SLIT2: variants seen among roughly 807,000 people sequenced by gnomAD.
SLIT2 encodes slit homolog 2 protein.
A neutral mutation model predicts 185.7 loss-of-function variants in SLIT2; 41 were observed. The observed-to-expected ratio is 0.22, with a 90% CI of 0.17 to 0.29. SLIT2 has a LOEUF of 0.29. Ranked by LOEUF, SLIT2 falls within the 10% of genes least tolerant of loss-of-function variation. The pLI is 1.00. For missense variants in SLIT2, 1,571 were observed against 1,909.0 expected, an observed-to-expected ratio of 0.82 and a Z score of 3.30; for synonymous variants, 693 against 680.2, an observed-to-expected ratio of 1.02 and a Z score of -0.29.
chr4:20,613,469 C>G (rs1052959809), intron 34 of SLIT2, among the ~76,000 whole-genome samples: 3 of 152,006 alleles, frequency 2.0e-5, no homozygotes, highest in Non-Finnish European at 4.4e-5. Context: ...AACACATGGA[C>G]ACAGAGAGGG....
intron 5 of SLIT2, among the ~76,000 whole-genome samples, chr4:20,472,402 A>C (rs899133848): frequency 3.7e-4 from 28 of 75,082 alleles, no homozygotes; most frequent in South Asian, 8.2e-4. Flanking sequence ...ATATAGATAT[A>C]GATATCTATA....
intron 4 of SLIT2, among the ~76,000 whole-genome samples, chr4:20,342,121 G>A (rs1236297842): frequency 6.6e-6 from 1 of 152,108 alleles, no homozygotes; most frequent in Non-Finnish European, 1.5e-5. Flanking sequence ...TTTTTAGAAA[G>A]TGTACCATTT....
chr4:20,539,447 G>T lies in SLIT2; in HGVS notation c.1839G>T (p.Leu613Phe). 1 of 1,611,376 alleles carries T rather than the reference G, an allele frequency of 6.2e-7. No individual in the cohort carries two copies. The highest frequency in any genetic ancestry group is 8.5e-7 in the Non-Finnish European group (1 of 1,178,988). ...KGLESLKTLM[L>F]RSNRITCVGN... Reference sequence around the variant, plus strand: ...GTCCTTTTTTTCCCCTCAGGATGTTGAGAAGCAATCGAATAACCTGTGTGG... The same window carrying T: ...GTCCTTTTTTTCCCCTCAGGATGTTTAGAAGCAATCGAATAACCTGTGTGG... The change falls in exon 19 of 37, where the codon TTG (leucine) becomes TTT (phenylalanine). Residue 613 changes from leucine to phenylalanine, a missense_variant. Physicochemically the swap from Leu to Phe is conservative, Grantham distance 22. Around this residue, in one of 3 missense-constraint regions of SLIT2, gnomAD observed 1,202 missense variants for 1,416.4 expected, o/e 0.85. Transcript: ENST00000504154.
chr4:20,570,719 ATATATATATATG>A (rs1725507004), intron 29 of SLIT2, among the ~76,000 whole-genome samples: 1 of 56,016 alleles, frequency 1.8e-5, no homozygotes, highest in African/African-American at 7.0e-5. Context: ...AGGAATATAT[ATATATATATATG>A]TATATATATA....
intron 4 of SLIT2, among the ~76,000 whole-genome samples, chr4:20,279,984 A>G (rs1560278843): frequency 6.6e-6 from 1 of 152,098 alleles, no homozygotes; most frequent in Non-Finnish European, 1.5e-5. Flanking sequence ...CTACCAATAG[A>G]TTGAATTTGG....
chr4:20,350,216 T>C (rs1409417017), intron 4 of SLIT2, among the ~76,000 whole-genome samples: 1 of 152,138 alleles, frequency 6.6e-6, no homozygotes, highest in African/African-American at 2.4e-5. Flanking sequence ...GAGCATACTT[T>C]TGATTCTGAA....
At chr4:20,449,811 C>G (rs540557641) in intron 4 of SLIT2, among the ~76,000 whole-genome samples, 4 of 152,202 alleles carry the variant, frequency 2.6e-5, no homozygotes, top group Non-Finnish European at 4.4e-5. Flanking sequence ...TAATTAGAAA[C>G]TTTATGGGGA....
At chr4:20,396,996 A>T (rs1211921242) in intron 4 of SLIT2, among the ~76,000 whole-genome samples, 1 of 151,460 alleles carries the variant, frequency 6.6e-6, no homozygotes, top group Non-Finnish European at 1.5e-5. Flanking sequence ...ATTTACGCAT[A>T]TATTTCCATA....
At chr4:20,515,744 AC>A (rs1720146297) in intron 11 of SLIT2, among the ~76,000 whole-genome samples, 1 of 152,088 alleles carries the variant, frequency 6.6e-6, no homozygotes, top group East Asian at 1.9e-4. Flanking sequence ...TGCCCATAAC[AC>A]CTTTTTCATG....
rs1478785852 is a variant in SLIT2, at chr4:20,617,097, A to G, written c.4035A>G (p.Thr1345=). The G allele has an allele frequency of 6.2e-7, 1 of 1,612,890 alleles. No individual in the cohort carries two copies. ...ACAAGAAGGTGTGTGCCCATGGCAC[A>G]TGCCAGCCCAGCAGCCAGGCAGGCT... ...PCHKKVCAHG[T]CQPSSQAGFT... is the part of the protein sequence containing the mutation. Residue 1345 remains threonine (T), a synonymous_variant, in exon 35 of 37, where the codon ACA becomes ACG. Transcript: ENST00000504154.
intron 7 of SLIT2, 118 bp from the exon 8 acceptor site, chr4:20,488,701 A>G (rs996337681): frequency 5.8e-6 from 4 of 691,638 alleles, no homozygotes; most frequent in Non-Finnish European, 9.0e-6. Flanking sequence ...TTTAGGAAAA[A>G]TAATTATATT....
chr4:20,433,969 A>G (rs75325677), intron 4 of SLIT2, among the ~76,000 whole-genome samples: 17,894 of 152,234 alleles, frequency 0.12, 1,085 homozygotes, highest in African/African-American at 0.15. Flanking sequence ...GTGAAGACTC[A>G]GGACATAAAA....
intron 4 of SLIT2, among the ~76,000 whole-genome samples, chr4:20,316,561 G>C (rs1718608810): frequency 6.6e-6 from 1 of 151,656 alleles, no homozygotes; most frequent in Non-Finnish European, 1.5e-5. Context: ...CATTCTTTAA[G>C]TCCAGAATTC....
intron 29 of SLIT2, among the ~76,000 whole-genome samples, chr4:20,584,874 G>C (rs1726916905): frequency 6.6e-6 from 1 of 152,090 alleles, no homozygotes; most frequent in South Asian, 2.1e-4. Flanking sequence ...GCCCAACATG[G>C]TGAAACCCCG....
rs1297535764 is a variant in SLIT2 at position 20,488,753 on chromosome 4, A to G, written c.612-66A>G. On this transcript the variant is annotated intron_variant, in intron 7 of 36. Coordinates refer to ENST00000504154, the MANE Select transcript of SLIT2 (RefSeq NM_004787.4). The stretch of plus-strand genomic sequence containing the variant: ...TATCTACTTCTATGTTAAGAAATAC[A>G]GGTATATATTAATGAAATAACGACT... 3.6e-6 allele frequency: 4 copies of G among 1,105,934 alleles called. No individual in the cohort carries two copies. In the African/African-American group the frequency reaches 4.7e-5, roughly 13 times the overall value. The allele number at this position is 1,105,934 out of a possible 1,614,324, so 68.5% of individuals were successfully genotyped here.
At chr4:20,511,420 C>CTTTTTTTTTTTTT (rs1040955182) in intron 11 of SLIT2, among the ~76,000 whole-genome samples, 4 of 122,058 alleles carry the variant, frequency 3.3e-5, no homozygotes, top group Non-Finnish European at 5.2e-5. Context: ...TTTTTTATTT[C>CTTTTTTTTTTTTT]TTTTTTTTTT....
At chr4:20,369,736 T>C (rs1027485981) in intron 4 of SLIT2, among the ~76,000 whole-genome samples, 4 of 152,056 alleles carry the variant, frequency 2.6e-5, no homozygotes, top group East Asian at 1.9e-4. Flanking sequence ...GGCATCATGC[T>C]GTATATAAAA....
At chr4:20,601,593 G>T (rs997833504) in intron 33 of SLIT2, among the ~76,000 whole-genome samples, 1 of 152,046 alleles carries the variant, frequency 6.6e-6, no homozygotes. Context: ...ATAACTCTTA[G>T]CTCTGATACG....
chr4:20,570,253 TG>T (rs2148918103), intron 29 of SLIT2, among the ~76,000 whole-genome samples: 1 of 152,266 alleles, frequency 6.6e-6, no homozygotes, highest in East Asian at 1.9e-4. Flanking sequence ...TTCTAGTAGT[TG>T]TCTATGGCCC....
Sources: allele counts gnomAD v4.1 joint callset (sites outside exome capture counted in the v4.1 genomes callset), GRCh38; gene constraint gnomAD v4.1.1; regional missense constraint gnomAD v4.1.1; transcripts MANE v1.5; gene names NCBI Gene and HGNC (gene_info 2026-07-23, HGNC 2026-07-21).